The following ANK2 variants were observed in gnomAD, a reference collection of about 807,000 sequenced individuals.
The protein encoded by ANK2 is ankyrin 2, also known as ankyrin-2.
Under a neutral mutation model 360.5 loss-of-function variants are expected in ANK2, and 83 were observed. That is an observed-to-expected ratio of 0.23 (90% CI 0.19 to 0.28). ANK2 has a LOEUF of 0.28. Ranked by LOEUF, ANK2 falls within the 10% of genes least tolerant of loss-of-function variation. ANK2 has a pLI of 1.00. For missense variants in ANK2, 4,201 were observed against 4,795.7 expected (o/e 0.88, Z 3.66); for synonymous variants, 1,740 against 1,759.5 (o/e 0.99, Z 0.28).
intron 4 of ANK2, among the ~76,000 whole-genome samples, chr4:113,204,139 A>T (rs541992396): frequency 1.3e-5 from 2 of 152,230 alleles, no homozygotes; most frequent in Non-Finnish European, 2.9e-5. Flanking sequence ...GATACTTATT[A>T]TTAATATATT....
chr4:113,337,431 A>G (rs1455669997), intron 31 of ANK2, among the ~76,000 whole-genome samples: 1 of 152,208 alleles, frequency 6.6e-6, no homozygotes, highest in African/African-American at 2.4e-5. Flanking sequence ...TAACAATGCC[A>G]TCACAAATAG....
intron 2 of ANK2, among the ~76,000 whole-genome samples, chr4:113,177,526 C>T (rs2098264102): frequency 6.6e-6 from 1 of 152,066 alleles, no homozygotes; most frequent in South Asian, 2.1e-4. Context: ...AAAAGAGAAC[C>T]TAAGGAAAAG....
At chr4:112,992,813 T>C (rs2047268198) in intron 2 of ANK2, among the ~76,000 whole-genome samples, 1 of 152,144 alleles carries the variant, frequency 6.6e-6, no homozygotes, top group South Asian at 2.1e-4. Flanking sequence ...CATATACATT[T>C]TGGGAGAAAA....
chr4:113,349,915 T>C (rs1254965762), intron 36 of ANK2, among the ~76,000 whole-genome samples: 1 of 152,142 alleles, frequency 6.6e-6, no homozygotes, highest in African/African-American at 2.4e-5. Context: ...CAATACTGAC[T>C]TCACCCTTTT....
intron 10 of ANK2, among the ~76,000 whole-genome samples, chr4:113,253,918 T>G (rs1461112404): frequency 6.6e-6 from 1 of 152,146 alleles, no homozygotes; most frequent in Non-Finnish European, 1.5e-5. Flanking sequence ...CTCTTTGAAT[T>G]CCTCCCCTTA....
chr4:113,199,108 A>G lies in ANK2; in HGVS notation c.383A>G (p.Gln128Arg), dbSNP rs2153405844. 1.2e-6 allele frequency: 2 copies of G among 1,604,668 alleles called. No homozygotes were observed. Among genetic ancestry groups the G allele is most frequent in the Non-Finnish European group, 1.7e-6 (2 of 1,171,610 alleles). ...GGAGCCAATATTAATGCACAGTCTCAGGTATTCCATTCAGATTTTCCCTGA... is the reference window on the plus strand; with the variant it reads ...GGAGCCAATATTAATGCACAGTCTCGGGTATTCCATTCAGATTTTCCCTGA... ...KEGANINAQS[Q>R]NGFTPLYMAA... The change falls in exon 4 of 46, where the codon CAG becomes CGG. Residue 128 changes from glutamine to arginine, a missense_variant and splice_region_variant. Physicochemically the swap from Gln to Arg is conservative, Grantham distance 43. Transcript: ENST00000357077.
At chr4:113,158,645 A>G (rs941226630) in intron 1 of ANK2, among the ~76,000 whole-genome samples, 8 of 152,190 alleles carry the variant, frequency 5.3e-5, no homozygotes, top group Non-Finnish European at 5.9e-5. Flanking sequence ...AAGGTTGCCA[A>G]TGAGAAATGG....
exon 2 of ANK2, chr4:112,904,513 A>G: frequency 6.7e-7 from 1 of 1,502,344 alleles, no homozygotes; most frequent in Admixed American, 2.1e-5. Flanking sequence ...ATGTTGCAAA[A>G]GGTACTTTTG....
At chr4:113,212,003 A>G (rs990914113) in intron 4 of ANK2, among the ~76,000 whole-genome samples, 2 of 152,178 alleles carry the variant, frequency 1.3e-5, no homozygotes, top group African/African-American at 2.4e-5. Flanking sequence ...CTCCAGTTAT[A>G]TATGTCTAAA....
chr4:113,364,908 C>A, intron 40 of ANK2, 131 bp from the exon 41 acceptor site: 1 of 1,213,758 alleles, frequency 8.2e-7, no homozygotes, highest in Non-Finnish European at 1.2e-6. Context: ...CTTATTTTTA[C>A]AAAGACTTTT....
the ANK2 span, among the ~76,000 whole-genome samples, chr4:112,775,747 A>T: frequency 6.6e-6 from 1 of 152,156 alleles, no homozygotes; most frequent in Non-Finnish European, 1.5e-5. Flanking sequence ...AACCTAGCGG[A>T]CATGAGAAAT....
chr4:112,814,267 T>C (rs2055488621), upstream of ANK2, among the ~76,000 whole-genome samples: 1 of 152,180 alleles, frequency 6.6e-6, no homozygotes, highest in Non-Finnish European at 1.5e-5. Flanking sequence ...AAAACAAGTG[T>C]TAATTACCTA....
intron 26 of ANK2, among the ~76,000 whole-genome samples, chr4:113,329,698 C>A (rs2091821898): frequency 2.0e-5 from 3 of 152,168 alleles, no homozygotes; most frequent in Admixed American, 1.3e-4. Context: ...TAGTTCAATT[C>A]AAAAGATTTA....
rs111810110 is a variant in ANK2, at chr4:113,002,945, A to T, written c.21+98431A>T. On this transcript the variant is annotated intron_variant, in intron 2 of 30. Coordinates refer to the ANK2 transcript ENST00000503271. ...TTGCCCATCTGATATGACTTTGCCC[A>T]CTTTGTCTCTTGGGAGACACTTATT... Among the ~76,000 whole-genome samples the T allele has an allele frequency of 4.0e-3, 609 of 152,214 alleles. 5 individuals carry two copies. Among genetic ancestry groups the T allele is most frequent in the Middle Eastern group, 0.014 (4 of 294 alleles).
At chr4:113,323,885 G>GC (rs1037006028) in intron 26 of ANK2, 1 of 1,249,000 alleles carries the variant, frequency 8.0e-7, no homozygotes, top group African/African-American at 1.5e-5. Context: ...GCCTCAGGAT[G>GC]CTTTAGTGTG....
chr4:113,240,055 A>G (rs774086637), intron 7 of ANK2, among the ~76,000 whole-genome samples: 35 of 152,146 alleles, frequency 2.3e-4, no homozygotes, highest in Non-Finnish European at 4.1e-4. Context: ...TGCTTTTTTA[A>G]AACAAAAATA....
intron 2 of ANK2, among the ~76,000 whole-genome samples, chr4:112,939,203 G>C (rs935992802): frequency 6.6e-6 from 1 of 152,128 alleles, no homozygotes; most frequent in African/African-American, 2.4e-5. Flanking sequence ...AAGTTTGCTT[G>C]CCTCTTAGAA....
the ANK2 span, among the ~76,000 whole-genome samples, chr4:112,777,395 C>T: frequency 2.6e-5 from 4 of 151,986 alleles, no homozygotes; most frequent in East Asian, 1.9e-4. Context: ...CCTGCCACCA[C>T]GTCCAGCTAA....
At chr4:113,106,712 G>A (rs545801079) in intron 1 of ANK2, among the ~76,000 whole-genome samples, 5 of 152,234 alleles carry the variant, frequency 3.3e-5, no homozygotes, top group African/African-American at 1.2e-4. Context: ...TTTGGGAAAG[G>A]TGACATTTCA....
Sources: allele counts gnomAD v4.1 joint callset (sites outside exome capture counted in the v4.1 genomes callset), GRCh38; gene constraint gnomAD v4.1.1; transcripts MANE v1.5; gene names NCBI Gene and HGNC (gene_info 2026-07-23, HGNC 2026-07-21).